The following NRG3 variants were observed in gnomAD, a reference collection of about 807,000 sequenced individuals.
NRG3 encodes the protein pro-neuregulin-3, membrane-bound isoform.
A neutral mutation model predicts 66.9 loss-of-function variants in NRG3; 31 were observed. The ratio of observed to expected loss-of-function variants is 0.46; its 90% CI spans 0.35 to 0.63. NRG3 has a LOEUF of 0.63. NRG3 is among the 20% of genes least tolerant of loss of function. The pLI is 0.00. For synonymous variants in NRG3, 393 were observed against 359.4 expected (o/e 1.09, Z -1.06); for missense variants, 910 against 878.9 (o/e 1.04, Z -0.45).
At chr10:82,434,951 G>A (rs2090041771) in intron 2 of NRG3, among the ~76,000 whole-genome samples, 1 of 152,106 alleles carries the variant, frequency 6.6e-6, no homozygotes, top group Non-Finnish European at 1.5e-5. Flanking sequence ...GGATGATGCT[G>A]GCTTCATAAA....
intron 4 of NRG3, among the ~76,000 whole-genome samples, chr10:82,919,160 CA>C (rs1846176792): frequency 6.6e-6 from 1 of 151,594 alleles, no homozygotes; most frequent in South Asian, 2.1e-4. Flanking sequence ...TTTCTCAAAG[CA>C]GCATCAACTT....
At chr10:81,904,785 T>C (rs2132687711) in intron 1 of NRG3, among the ~76,000 whole-genome samples, 1 of 152,256 alleles carries the variant, frequency 6.6e-6, no homozygotes, top group African/African-American at 2.4e-5. Flanking sequence ...AACCGCCTCC[T>C]TTGTAAAGAA....
intron 1 of NRG3, among the ~76,000 whole-genome samples, chr10:81,903,505 A>G (rs1186228017): frequency 6.6e-6 from 1 of 152,258 alleles, no homozygotes; most frequent in Non-Finnish European, 1.5e-5. Flanking sequence ...AATGTTGCAT[A>G]GAGACATCAT....
At chr10:82,957,341 C>T (rs988517028) in intron 5 of NRG3, among the ~76,000 whole-genome samples, 11 of 151,810 alleles carry the variant, frequency 7.2e-5, no homozygotes, top group African/African-American at 1.2e-4. Flanking sequence ...CAATAAGCCA[C>T]GCTCTGTAGG....
intron 3 of NRG3, among the ~76,000 whole-genome samples, chr10:82,750,052 T>C (rs1240039058): frequency 1.3e-5 from 2 of 152,168 alleles, no homozygotes; most frequent in Non-Finnish European, 2.9e-5. Context: ...CCATAATCAT[T>C]TTCAACTCTG....
At chr10:82,670,546 C>A (rs1439076088) in intron 2 of NRG3, among the ~76,000 whole-genome samples, 1 of 152,056 alleles carries the variant, frequency 6.6e-6, no homozygotes, top group African/African-American at 2.4e-5. Flanking sequence ...TAGGAAGATT[C>A]TCTCATGACC....
chr10:82,942,254 C>T (rs1404449811), intron 4 of NRG3, among the ~76,000 whole-genome samples: 2 of 152,184 alleles, frequency 1.3e-5, no homozygotes, highest in African/African-American at 4.8e-5. Flanking sequence ...CACCTCTGTC[C>T]TCCATACAGA....
intron 1 of NRG3, among the ~76,000 whole-genome samples, chr10:82,266,629 G>C (rs1017317435): frequency 1.3e-5 from 2 of 152,174 alleles, no homozygotes; most frequent in Non-Finnish European, 2.9e-5. Flanking sequence ...ATGTGGTACT[G>C]TTTTGACACG....
At chr10:82,394,451 T>A (rs1311612082) in intron 2 of NRG3, among the ~76,000 whole-genome samples, 1 of 152,060 alleles carries the variant, frequency 6.6e-6, no homozygotes, top group African/African-American at 2.4e-5. Context: ...ATTTAGAGGG[T>A]GAGACATCCA....
At chr10:82,238,095 T>C (rs986873853) in intron 1 of NRG3, among the ~76,000 whole-genome samples, 7 of 152,200 alleles carry the variant, frequency 4.6e-5, no homozygotes, top group African/African-American at 1.7e-4. Flanking sequence ...TCTAGCTGCA[T>C]ATCTCAGAAT....
chr10:82,177,725 C>T (rs1332196604), intron 1 of NRG3, among the ~76,000 whole-genome samples: 1 of 152,130 alleles, frequency 6.6e-6, no homozygotes, highest in Non-Finnish European at 1.5e-5. Context: ...AGGCGTGCGC[C>T]ACCACATCCA....
At chr10:81,955,763 C>T (rs1849772151) in intron 1 of NRG3, among the ~76,000 whole-genome samples, 1 of 152,118 alleles carries the variant, frequency 6.6e-6, no homozygotes, top group African/African-American at 2.4e-5. Context: ...GTGATCTCAT[C>T]AGATTCATGA....
intron 1 of NRG3, among the ~76,000 whole-genome samples, chr10:81,961,833 A>G (rs1263325171): frequency 1.3e-5 from 2 of 152,250 alleles, no homozygotes; most frequent in Non-Finnish European, 1.5e-5. Flanking sequence ...AACTTGTCCC[A>G]CAAGAAGCAC....
At chr10:81,971,281 G>C (rs1053622947) in intron 1 of NRG3, among the ~76,000 whole-genome samples, 1 of 152,122 alleles carries the variant, frequency 6.6e-6, no homozygotes, top group African/African-American at 2.4e-5. Context: ...TTGGACATGT[G>C]GGTATGTAAT....
At chr10:82,468,125 ATGTT>A (rs1374313389) in intron 2 of NRG3, among the ~76,000 whole-genome samples, 1 of 152,192 alleles carries the variant, frequency 6.6e-6, no homozygotes, top group Non-Finnish European at 1.5e-5. Flanking sequence ...GAGTTAAATA[ATGTT>A]TAAGTGATTC....
chr10:82,167,955 T>A (rs1291071004), intron 1 of NRG3, among the ~76,000 whole-genome samples: 1 of 152,078 alleles, frequency 6.6e-6, no homozygotes, highest in Non-Finnish European at 1.5e-5. Context: ...AGTTTCTTCT[T>A]TTATATTGCT....
chr10:82,012,069 G>C (rs903639674), intron 1 of NRG3, among the ~76,000 whole-genome samples: 8 of 152,200 alleles, frequency 5.3e-5, no homozygotes, highest in Admixed American at 3.9e-4. Context: ...GAGGTTCTCC[G>C]TGAGGGCCTC....
At chr10:82,672,033 C>T (rs2053319596) in intron 2 of NRG3, among the ~76,000 whole-genome samples, 1 of 152,100 alleles carries the variant, frequency 6.6e-6, no homozygotes, top group African/African-American at 2.4e-5. Flanking sequence ...AGGTTTTATC[C>T]TTACTGATCT....
intron 2 of NRG3, among the ~76,000 whole-genome samples, chr10:82,663,138 A>T (rs978258688): frequency 2.6e-5 from 4 of 152,210 alleles, no homozygotes; most frequent in Non-Finnish European, 4.4e-5. Context: ...AGGTATAATT[A>T]TTCCCATTGA....
Sources: gnomAD v4.1 joint callset for allele counts (sites outside exome capture counted in the v4.1 genomes callset) on GRCh38, gnomAD v4.1.1 for gene constraint, MANE v1.5 for transcripts, NCBI Gene and HGNC (gene_info 2026-07-23, HGNC 2026-07-21) for gene names.